The following FBXL2 variants were observed in gnomAD, a reference collection of about 807,000 sequenced individuals.
FBXL2 encodes the protein F-box and leucine rich repeat protein 2.
Under a neutral mutation model 69.2 loss-of-function variants are expected in FBXL2, and 38 were observed. That is an observed-to-expected ratio of 0.55 (90% CI 0.42 to 0.72). FBXL2 has a LOEUF of 0.72. FBXL2 is among the 30% of genes least tolerant of loss of function. The pLI, the probability that FBXL2 is intolerant of heterozygous loss-of-function variation, is 0.00. For synonymous variants in FBXL2, 192 were observed against 201.3 expected, an observed-to-expected ratio of 0.95 and a Z score of 0.39; for missense variants, 354 against 520.3, an observed-to-expected ratio of 0.68 and a Z score of 3.11.
At chr3:33,299,314 T>C (rs1197438785) in intron 2 of FBXL2, among the ~76,000 whole-genome samples, 1 of 152,144 alleles carries the variant, frequency 6.6e-6, no homozygotes, top group African/African-American at 2.4e-5. Flanking sequence ...AGTGTTGGGA[T>C]TACAGGCGTG....
intron 1 of FBXL2, chr3:33,278,196 A>C (rs990502138): frequency 6.6e-6 from 1 of 152,214 alleles, no homozygotes; most frequent in Non-Finnish European, 1.5e-5. Flanking sequence ...CGGCGTGGGC[A>C]TAACACCTGG....
intron 4 of FBXL2, chr3:33,364,262 A>G (rs904496259): frequency 6.6e-5 from 16 of 242,502 alleles, no homozygotes; most frequent in African/African-American, 3.6e-4. Context: ...AGTGGCTGGT[A>G]TTCCCACAGC....
At chr3:33,365,639 G>C (rs1408261890) in intron 5 of FBXL2, among the ~76,000 whole-genome samples, 1 of 152,136 alleles carries the variant, frequency 6.6e-6, no homozygotes, top group Non-Finnish European at 1.5e-5. Context: ...TGTAATCCCA[G>C]CTCTTTGGGA....
intron 2 of FBXL2, among the ~76,000 whole-genome samples, chr3:33,353,389 C>G (rs986324580): frequency 1.3e-5 from 2 of 152,128 alleles, no homozygotes; most frequent in Non-Finnish European, 1.5e-5. Flanking sequence ...AGATGTCCTG[C>G]AATAGGCGAA....
At chr3:33,348,236 G>C (rs2040587889) in intron 2 of FBXL2, among the ~76,000 whole-genome samples, 1 of 152,054 alleles carries the variant, frequency 6.6e-6, no homozygotes, top group Non-Finnish European at 1.5e-5. Context: ...TCATTCTTCT[G>C]CATATGGATA....
chr3:33,288,078 C>T (rs942963923), intron 1 of FBXL2, among the ~76,000 whole-genome samples: 2 of 152,208 alleles, frequency 1.3e-5, no homozygotes, highest in African/African-American at 2.4e-5. Flanking sequence ...ATATCAGCCA[C>T]TTCCTCTTCC....
intron 2 of FBXL2, among the ~76,000 whole-genome samples, chr3:33,348,329 A>C (rs1252483176): frequency 6.6e-6 from 1 of 151,884 alleles, no homozygotes; most frequent in Admixed American, 6.6e-5. Context: ...TATTATAGGT[A>C]TATGGATTTG....
chr3:33,317,375 C>G (rs1055722213), intron 2 of FBXL2: 4 of 438,538 alleles, frequency 9.1e-6, no homozygotes, highest in African/African-American at 8.1e-5. Context: ...ATTCATAGTT[C>G]AGGGTCTGTG....
chr3:33,354,242 A>G (rs1050755032), intron 2 of FBXL2, among the ~76,000 whole-genome samples: 2 of 152,094 alleles, frequency 1.3e-5, no homozygotes, highest in Non-Finnish European at 2.9e-5. Context: ...GGCTGGGCCC[A>G]GTGGTTCACG....
chr3:33,362,792 AGCT>A (rs1424186802), intron 4 of FBXL2, among the ~76,000 whole-genome samples: 1 of 150,988 alleles, frequency 6.6e-6, no homozygotes, highest in Admixed American at 6.6e-5. Flanking sequence ...ATTGGTGTAG[AGCT>A]GCTTTTTTTT....
At chr3:33,354,462 G>A (rs376359349) in intron 2 of FBXL2, among the ~76,000 whole-genome samples, 1 of 151,264 alleles carries the variant, frequency 6.6e-6, no homozygotes, top group African/African-American at 2.4e-5. Flanking sequence ...GCAGTGAGCC[G>A]AGATCACGCC....
At chr3:33,282,168 T>C (rs1249854734) in intron 1 of FBXL2, among the ~76,000 whole-genome samples, 2 of 152,232 alleles carry the variant, frequency 1.3e-5, no homozygotes, top group Non-Finnish European at 2.9e-5. Context: ...TCTAGGGTTT[T>C]TATGGTTTTA....
intron 2 of FBXL2, chr3:33,300,619 A>G (rs547725118): frequency 6.6e-6 from 1 of 151,872 alleles, no homozygotes; most frequent in Admixed American, 6.6e-5. Flanking sequence ...TAATTTAAGA[A>G]TTTTTTGCTG....
intron 12 of FBXL2, among the ~76,000 whole-genome samples, chr3:33,393,901 C>A (rs988165895): frequency 3.9e-5 from 6 of 152,146 alleles, no homozygotes; most frequent in Non-Finnish European, 7.3e-5. Flanking sequence ...TATATACTTA[C>A]AATGGGAGGA....
In FBXL2 at chr3:33,400,012, T is replaced by A. The variant is rs540890037; in HGVS notation, n.1215-3222T>A. On this transcript the variant is annotated intron_variant and non_coding_transcript_variant, in intron 12 of 12. Transcript: ENST00000463736. ...TCAACTGCCTGGCTTCAATAGCATATAATAAAAATACAAGATATTCCTATT... is the reference window on the plus strand; with the variant it reads ...TCAACTGCCTGGCTTCAATAGCATAAAATAAAAATACAAGATATTCCTATT... Among the ~76,000 whole-genome samples the A allele has an allele frequency of 1.9e-4, 29 of 152,320 alleles. No homozygotes were observed. The South Asian group carries it at 6.0e-3, about 32-fold the overall frequency.
chr3:33,293,014 A>T (rs2035394422), intron 1 of FBXL2, among the ~76,000 whole-genome samples: 1 of 152,142 alleles, frequency 6.6e-6, no homozygotes, highest in South Asian at 2.1e-4. Context: ...TGCAGGGAGA[A>T]TTTTTTCTTC....
At chr3:33,383,704 A>T in intron 13 of FBXL2, 1 of 386,358 alleles carries the variant, frequency 2.6e-6, no homozygotes, top group South Asian at 2.9e-5. Flanking sequence ...CCAGTGTAGC[A>T]AACCCATAAC....
intron 1 of FBXL2, among the ~76,000 whole-genome samples, chr3:33,283,116 G>C (rs1197103928): frequency 6.6e-6 from 1 of 152,168 alleles, no homozygotes; most frequent in Non-Finnish European, 1.5e-5. Flanking sequence ...GGGCATCCCT[G>C]TCTTGTGCCA....
intron 2 of FBXL2, among the ~76,000 whole-genome samples, chr3:33,312,033 T>C (rs2037250910): frequency 6.6e-6 from 1 of 152,186 alleles, no homozygotes; most frequent in African/African-American, 2.4e-5. Context: ...CTATGCAATA[T>C]AGATAGACAA....
Sources: allele counts gnomAD v4.1 joint callset (sites outside exome capture counted in the v4.1 genomes callset), GRCh38; gene constraint gnomAD v4.1.1; transcripts MANE v1.5; gene names NCBI Gene and HGNC (gene_info 2026-07-23, HGNC 2026-07-21).